The following GALNT3 variants were observed in gnomAD, a reference collection of about 807,000 sequenced individuals.
GALNT3 encodes polypeptide N-acetylgalactosaminyltransferase 3.
Under a neutral mutation model 69.8 loss-of-function variants are expected in GALNT3, and 51 were observed. That is an observed-to-expected ratio of 0.73 (90% CI 0.58 to 0.92). GALNT3 has a LOEUF of 0.92. Among genes scored for constraint, GALNT3 ranks in the 40% least tolerant of loss-of-function variants. The probability of loss-of-function intolerance (pLI) is 0.00; values close to 1 mark genes in which losing one functional copy is unlikely to be tolerated. For synonymous variants in GALNT3, 265 were observed against 248.5 expected, an observed-to-expected ratio of 1.07 and a Z score of -0.63; for missense variants, 711 against 760.0, an observed-to-expected ratio of 0.94 and a Z score of 0.76.
chr2:165,782,415 T>C (rs1224269720), intron 1 of GALNT3, among the ~76,000 whole-genome samples: 1 of 151,628 alleles, frequency 6.6e-6, no homozygotes, highest in Admixed American at 6.6e-5. Flanking sequence ...AATCTCATAA[T>C]GTTTTAAGAC....
chr2:165,761,684 G>T, intron 4 of GALNT3: 1 of 710,340 alleles, frequency 1.4e-6, no homozygotes, highest in Non-Finnish European at 2.6e-6. Context: ...TGAAGTTGAG[G>T]AAACTTAAAC....
intron 2 of GALNT3, among the ~76,000 whole-genome samples, chr2:165,768,697 T>A (rs968412249): frequency 6.6e-6 from 1 of 152,004 alleles, no homozygotes; most frequent in Non-Finnish European, 1.5e-5. Flanking sequence ...CCAAAAGTTA[T>A]CTTCAAGTTC....
intron 1 of GALNT3, among the ~76,000 whole-genome samples, chr2:165,784,573 T>C (rs1683180673): frequency 1.3e-5 from 2 of 152,056 alleles, no homozygotes; most frequent in Admixed American, 1.3e-4. Flanking sequence ...GCTAGCTAGG[T>C]GCTTGTAATC....
intron 1 of GALNT3, among the ~76,000 whole-genome samples, chr2:165,775,169 A>G (rs1688824750): frequency 6.6e-6 from 1 of 152,120 alleles, no homozygotes; most frequent in Non-Finnish European, 1.5e-5. Flanking sequence ...CTCAAGTTCA[A>G]TGTAAAATCC....
At chr2:165,761,559 CAAG>C (rs1688546633) in intron 4 of GALNT3, among the ~76,000 whole-genome samples, 1 of 116,844 alleles carries the variant, frequency 8.6e-6, no homozygotes, top group Non-Finnish European at 1.9e-5. Context: ...GTGTGGGAAT[CAAG>C]AAAACAAACA....
At position 165,782,837 on chromosome 2, in the gene GALNT3, G is replaced by A. The variant is rs143426840; in HGVS notation, c.-109+11178C>T. ...GAATTGACTTAGGTCTGAAAACTGAGTGAGATGCTGTGACTCTTGATTGCA... is the reference window on the plus strand; with the variant it reads ...GAATTGACTTAGGTCTGAAAACTGAATGAGATGCTGTGACTCTTGATTGCA... On this transcript the variant is annotated intron_variant, in intron 1 of 10. Coordinates refer to ENST00000392701, the MANE Select transcript of GALNT3 (RefSeq NM_004482.4). Among the ~76,000 whole-genome samples, 3 of 152,290 alleles carry A rather than the reference G, an allele frequency of 2.0e-5. No homozygotes were observed. In the East Asian group the frequency reaches 5.8e-4, roughly 29 times the overall value.
Position 165,770,201 on chromosome 2 carries a change from T to A in GALNT3, c.500A>T (p.Asp167Val). Residue 167 changes from aspartate to valine, a missense_variant, in exon 2 of 11, where the codon GAC becomes GTC. Transcript: ENST00000392701. ...RISLHRDLGP[D>V]TRPPECIEQK... ...TTCAACATACTCAGGAGGTCGAGTG[T>A]CTGGTCCAAGATCTCGGTGCAAAGA... 1.9e-6 allele frequency: 3 copies of A among 1,614,172 alleles called. No homozygotes were observed. The highest frequency in any genetic ancestry group is 2.5e-6 in the Non-Finnish European group (3 of 1,180,024).
At chr2:165,783,767 C>G (rs744157) in intron 1 of GALNT3, among the ~76,000 whole-genome samples, 1 of 152,140 alleles carries the variant, frequency 6.6e-6, no homozygotes, top group Non-Finnish European at 1.5e-5. Flanking sequence ...TCTAGAAATT[C>G]TAAAAGACTT....
At chr2:165,756,027 C>T (rs1688438094) in intron 7 of GALNT3, among the ~76,000 whole-genome samples, 2 of 152,126 alleles carry the variant, frequency 1.3e-5, no homozygotes, top group African/African-American at 2.4e-5. Context: ...TTGTACAGTA[C>T]ACAATCTGCC....
chr2:165,770,940 C>A, intron 1 of GALNT3, 132 bp from the exon 2 acceptor site: 1 of 390,176 alleles, frequency 2.6e-6, no homozygotes, highest in East Asian at 3.8e-5. Context: ...ACAAAGATAT[C>A]TTGTCCTCAA....
Position 165,754,935 on chromosome 2 carries a change from T to A in GALNT3, c.1521A>T (p.Gly507=). 1.9e-6 allele frequency: 3 copies of A among 1,613,454 alleles called. No homozygotes were observed. The highest frequency in any genetic ancestry group is 2.2e-5 in the South Asian group (2 of 91,078). ...YVPDLNPVIS[G]YIKSVGQPLC... The stretch of plus-strand genomic sequence containing the variant: ...AAAGGAACAGGAAAATACTCACGTA[T>A]CCAGATATAACAGGATTAAGGTCTG... Residue 507 remains glycine, a synonymous_variant, in exon 8 of 11, where the codon GGA becomes GGT. Coordinates refer to ENST00000392701, the MANE Select transcript of GALNT3 (RefSeq NM_004482.4).
chr2:165,757,502 T>C (rs1688467897), intron 6 of GALNT3, among the ~76,000 whole-genome samples: 1 of 152,216 alleles, frequency 6.6e-6, no homozygotes, highest in Admixed American at 6.5e-5. Context: ...AGATTTTTCA[T>C]AAAAATGAAT....
chr2:165,770,016 T>C (rs548190953), intron 2 of GALNT3, 170 bp downstream of exon 2: 11 of 758,532 alleles, frequency 1.5e-5, no homozygotes, highest in East Asian at 2.7e-5. Flanking sequence ...AATAGGGATA[T>C]GTAGCCTCAA....
At chr2:165,753,643 A>G (rs560057056) in intron 9 of GALNT3, among the ~76,000 whole-genome samples, 1 of 152,304 alleles carries the variant, frequency 6.6e-6, no homozygotes, top group African/African-American at 2.4e-5. Context: ...AAATAGTCTA[A>G]TCTTTCCAGG....
rs908684294 is a variant in GALNT3, at chr2:165,793,407, G to A, written c.-109+608C>T. 5.7e-4 allele frequency among the ~76,000 whole-genome samples: 87 copies of A among 152,164 alleles called. 2 individuals are homozygous for A. Among genetic ancestry groups the A allele is most frequent in the Non-Finnish European group, 5.9e-5 (4 of 68,032 alleles). ...CAACTCTGGCCTGGAGAGCGCACCC[G>A]GAAAAGTGCAGAGTCGAAACAGAGA... On this transcript the variant is annotated intron_variant, in intron 1 of 10. Coordinates refer to ENST00000392701, the MANE Select transcript of GALNT3 (RefSeq NM_004482.4).
chr2:165,748,528 C>G lies in GALNT3; in HGVS notation c.*253G>C. 2.1e-6 allele frequency: 1 copy of G among 473,398 alleles called. No homozygotes were observed. The highest frequency in any genetic ancestry group is 3.8e-6 in the Non-Finnish European group (1 of 261,652). The allele number at this position is 473,398 out of a possible 1,614,324, so 29.3% of individuals were successfully genotyped here. ...ACTTTACTTGGAAAATTATTTTCAT[C>G]ATACTGTAAACATCTCTTCCCCTAC... is the stretch of plus-strand genomic sequence containing the variant. On this transcript the variant is annotated 3_prime_UTR_variant, in exon 11 of 11. Coordinates refer to ENST00000392701, the MANE Select transcript of GALNT3 (RefSeq NM_004482.4).
At chr2:165,791,844 T>A (rs754410365) in intron 1 of GALNT3, among the ~76,000 whole-genome samples, 1 of 152,204 alleles carries the variant, frequency 6.6e-6, no homozygotes, top group Non-Finnish European at 1.5e-5. Context: ...AGGAGCATGA[T>A]GCCTTCACTG....
intron 4 of GALNT3, among the ~76,000 whole-genome samples, chr2:165,761,120 A>AC (rs1031614904): frequency 6.6e-6 from 1 of 151,200 alleles, no homozygotes; most frequent in Non-Finnish European, 1.5e-5. Flanking sequence ...CAAATTTAAA[A>AC]AAAAAAACAC....
At chr2:165,775,583 T>G (rs1392374805) in intron 1 of GALNT3, among the ~76,000 whole-genome samples, 2 of 152,214 alleles carry the variant, frequency 1.3e-5, no homozygotes, top group African/African-American at 4.8e-5. Context: ...TGTGCAATAT[T>G]AGGCTTCCAT....
Sources: allele counts gnomAD v4.1 joint callset (sites outside exome capture counted in the v4.1 genomes callset), GRCh38; gene constraint gnomAD v4.1.1; transcripts MANE v1.5; gene names NCBI Gene and HGNC (gene_info 2026-07-23, HGNC 2026-07-21).